Variants in MEGF9 observed in about 807,000 individuals in gnomAD.
MEGF9 encodes the protein multiple epidermal growth factor-like domains protein 9.
A neutral mutation model predicts 46.8 loss-of-function variants in MEGF9; 6 were observed. The ratio of observed to expected loss-of-function variants is 0.13; its 90% confidence interval spans 0.07 to 0.25. MEGF9 has a LOEUF of 0.25. Among genes scored for constraint, MEGF9 ranks in the 10% least tolerant of loss-of-function variants. MEGF9 has a pLI of 1.00. For missense variants in MEGF9, 683 were observed against 792.4 expected (o/e 0.86, Z 1.66); for synonymous variants, 302 against 330.7 (o/e 0.91, Z 0.94).
intron 1 of MEGF9, among the ~76,000 whole-genome samples, chr9:120,661,804 T>G (rs1564422910): frequency 6.6e-6 from 1 of 152,254 alleles, no homozygotes; most frequent in Non-Finnish European, 1.5e-5. Context: ...TTCAGTGGTC[T>G]GTAAACCTGC....
chr9:120,706,705 C>T (rs962319677), intron 1 of MEGF9, among the ~76,000 whole-genome samples: 6 of 152,060 alleles, frequency 3.9e-5, no homozygotes, highest in African/African-American at 1.4e-4. Flanking sequence ...CGTGGTGGTG[C>T]ACACCTGTAG....
At chr9:120,696,882 T>C (rs1400714888) in intron 1 of MEGF9, among the ~76,000 whole-genome samples, 3 of 152,252 alleles carry the variant, frequency 2.0e-5, no homozygotes, top group East Asian at 1.9e-4. Context: ...ACTGTACTTA[T>C]GTACCTGTAG....
At chr9:120,653,369 AT>A (rs1026801877) in intron 2 of MEGF9, among the ~76,000 whole-genome samples, 3,541 of 150,106 alleles carry the variant, frequency 0.024, 155 homozygotes, top group African/African-American at 0.083. Context: ...TATTTTATTT[AT>A]TTTATTTATT....
chr9:120,634,446 CTTTTTTTTTTTT>C lies in MEGF9; in HGVS notation c.804-11703_804-11692del, dbSNP rs1158273579. 8.5e-5 allele frequency among the ~76,000 whole-genome samples: 4 copies of C among 46,928 alleles called. 1 individual carries two copies. Among genetic ancestry groups the C allele is most frequent in the East Asian group, 1.1e-3 (2 of 1,768 alleles). The allele number at this position is 46,928 out of a possible 152,430, so 30.8% of individuals were successfully genotyped here. A position where few individuals can be genotyped will look rare whatever the true frequency, so the allele number is the denominator to read the frequency against. Reference sequence around the variant, plus strand: ...TTTGGTTTCCATATGTGTGGAATATCTTTTTTTTTTTTTTTTTTTTTTTTTTTTGAGACGGAG... The same window carrying C: ...TTTGGTTTCCATATGTGTGGAATATCTTTTTTTTTTTTTTTTGAGACGGAG... On this transcript the variant is annotated intron_variant, in intron 2 of 5. Transcript: ENST00000373930.
intron 2 of MEGF9, among the ~76,000 whole-genome samples, chr9:120,650,715 A>G (rs2043645810): frequency 6.6e-6 from 1 of 152,222 alleles, no homozygotes. Flanking sequence ...TTCTACTCTC[A>G]TTTTTTAAAA....
chr9:120,647,112 T>C (rs867202441), intron 2 of MEGF9, among the ~76,000 whole-genome samples: 5 of 151,870 alleles, frequency 3.3e-5, no homozygotes, highest in Non-Finnish European at 2.9e-5. Flanking sequence ...GACATGTTAA[T>C]GTTCACAAAG....
At position 120,711,871 on chromosome 9, in the gene MEGF9, A is replaced by ACACACACACC. The variant is rs145059704; in HGVS notation, c.601+1886_601+1887insGGTGTGTGTG. Among the ~76,000 whole-genome samples the ACACACACACC allele has an allele frequency of 1.1e-3, 167 of 150,206 alleles. 1 individual carries two copies. Among genetic ancestry groups the ACACACACACC allele is most frequent in the African/African-American group, 1.5e-3 (60 of 40,382 alleles). ...CACACACACACACACACACACACAC[A>ACACACACACC]CCCACAGGCCTGGTCATAAGCATAG... On this transcript the variant is annotated intron_variant, in intron 1 of 5. Transcript: ENST00000373930.
chr9:120,683,076 A>AT (rs1228188215), intron 1 of MEGF9, among the ~76,000 whole-genome samples: 2 of 152,176 alleles, frequency 1.3e-5, no homozygotes, highest in African/African-American at 4.8e-5. Context: ...AGAAAGGTAT[A>AT]TTAGGGCCCT....
intron 2 of MEGF9, among the ~76,000 whole-genome samples, chr9:120,626,641 C>A (rs1468398343): frequency 6.6e-6 from 1 of 152,040 alleles, no homozygotes; most frequent in East Asian, 1.9e-4. Flanking sequence ...TTCAGAATTT[C>A]CATTATTTTA....
At chr9:120,697,627 T>C (rs1296863487) in intron 1 of MEGF9, among the ~76,000 whole-genome samples, 3 of 152,216 alleles carry the variant, frequency 2.0e-5, no homozygotes, top group Non-Finnish European at 4.4e-5. Context: ...GACAATCACA[T>C]AGTTACTATT....
intron 4 of MEGF9, among the ~76,000 whole-genome samples, chr9:120,608,917 G>A (rs2043432384): frequency 6.6e-6 from 1 of 152,046 alleles, no homozygotes. Flanking sequence ...ATTCCCACTG[G>A]AGTGATCTTA....
chr9:120,607,059 T>C (rs761833050), intron 5 of MEGF9, among the ~76,000 whole-genome samples: 3 of 152,110 alleles, frequency 2.0e-5, no homozygotes, highest in Non-Finnish European at 4.4e-5. Context: ...AAGATGACAG[T>C]TGCCATAGAC....
intron 1 of MEGF9, among the ~76,000 whole-genome samples, chr9:120,678,145 A>G (rs1270580794): frequency 6.6e-6 from 1 of 152,224 alleles, no homozygotes; most frequent in Non-Finnish European, 1.5e-5. Context: ...ATGGATGAAT[A>G]GTACTCCATT....
intron 1 of MEGF9, among the ~76,000 whole-genome samples, chr9:120,681,801 G>C (rs1477530256): frequency 6.6e-6 from 1 of 152,148 alleles, no homozygotes; most frequent in Non-Finnish European, 1.5e-5. Context: ...GGGAGGCAGG[G>C]ACAGGGAGAG....
intron 2 of MEGF9, among the ~76,000 whole-genome samples, chr9:120,650,450 C>T (rs1002240881): frequency 6.6e-6 from 1 of 152,164 alleles, no homozygotes; most frequent in South Asian, 2.1e-4. Flanking sequence ...CAACTCCTTC[C>T]AATTAAACAG....
At chr9:120,607,564 G>A (rs1040502030) in intron 5 of MEGF9, among the ~76,000 whole-genome samples, 177 bp downstream of exon 5, 3 of 152,190 alleles carry the variant, frequency 2.0e-5, no homozygotes, top group African/African-American at 7.2e-5. Flanking sequence ...AATTTCTGGA[G>A]TTGACTGTGG....
At chr9:120,686,378 G>A (rs765630919) in intron 1 of MEGF9, among the ~76,000 whole-genome samples, 14 of 152,298 alleles carry the variant, frequency 9.2e-5, no homozygotes, top group Admixed American at 2.0e-4. Flanking sequence ...AGGCCCGGCC[G>A]AGGGAATTCT....
chr9:120,705,452 G>A (rs2043924906), intron 1 of MEGF9, among the ~76,000 whole-genome samples: 1 of 151,560 alleles, frequency 6.6e-6, no homozygotes, highest in Admixed American at 6.6e-5. Context: ...GGAAAGAATG[G>A]TTGGGGCTAA....
At position 120,714,201 on chromosome 9, in the gene MEGF9, G is replaced by A. The variant is rs1564433838; in HGVS notation, c.158C>T (p.Ala53Val). Residue 53 changes from alanine (A) to valine (V), a missense_variant, in exon 1 of 6, where the codon GCG becomes GTG. Transcript: ENST00000373930. Reference sequence around the variant, plus strand: ...GCCCCGCAACCCGGGGCCCGGCGACGCGTCCACCTGCCCCGCGGCCCCGCC... The same window carrying A: ...GCCCCGCAACCCGGGGCCCGGCGACACGTCCACCTGCCCCGCGGCCCCGCC... The part of the protein sequence containing the change: ...GGGGAAGQVD[A>V]SPGPGLRGEP... 3 of 1,235,006 alleles carry A rather than the reference G, an allele frequency of 2.4e-6. No individual in the cohort carries two copies. Among genetic ancestry groups the A allele is most frequent in the Admixed American group, 4.2e-5 (1 of 23,538 alleles). The allele number at this position is 1,235,006 out of a possible 1,614,324, so 76.5% of individuals were successfully genotyped here. A position where few individuals can be genotyped will look rare whatever the true frequency, so the allele number is the denominator to read the frequency against.
Sources: allele counts gnomAD v4.1 joint callset (sites outside exome capture counted in the v4.1 genomes callset), GRCh38; gene constraint gnomAD v4.1.1; transcripts MANE v1.5; gene names NCBI Gene and HGNC (gene_info 2026-07-23, HGNC 2026-07-21).